CPB1: variants seen among roughly 807,000 people sequenced by gnomAD.
CPB1 encodes the protein carboxypeptidase B.
In CPB1, 53 loss-of-function variants were observed where a neutral mutation model predicts 51.4. The ratio of observed to expected loss-of-function variants is 1.03; its 90% CI spans 0.83 to 1.30. The LOEUF is 1.30. CPB1 is among the 50% of genes most tolerant of loss of function. CPB1 has a pLI of 0.00. For synonymous variants in CPB1, 189 were observed against 186.9 expected, an observed-to-expected ratio of 1.01 and a Z score of -0.09; for missense variants, 494 against 516.2, an observed-to-expected ratio of 0.96 and a Z score of 0.42.
intron 2 of CPB1, among the ~76,000 whole-genome samples, chr3:148,828,535 C>T (rs1712639466): frequency 6.6e-6 from 1 of 152,120 alleles, no homozygotes; most frequent in Non-Finnish European, 1.5e-5. Context: ...ATTCAGGTCC[C>T]CTTAATGATA....
chr3:148,842,155 A>C (rs1257695589), intron 6 of CPB1, among the ~76,000 whole-genome samples: 1 of 152,084 alleles, frequency 6.6e-6, no homozygotes, highest in African/African-American at 2.4e-5. Context: ...GGAGGCCAAA[A>C]CAGGTGAATT....
In CPB1 at chr3:148,853,146, GA is replaced by G. The variant is rs149433821; in HGVS notation, c.982-4309del. Among the ~76,000 whole-genome samples, 895 of 152,264 alleles carry G rather than the reference GA, an allele frequency of 5.9e-3. 7 individuals carry two copies. The highest frequency in any genetic ancestry group is 0.02 in the African/African-American group (849 of 41,540). On this transcript the variant is annotated intron_variant, in intron 9 of 10. Coordinates refer to ENST00000282957, the MANE Select transcript of CPB1 (RefSeq NM_001871.3). Reference sequence around the variant, plus strand: ...TCACCCATAGGGATGGCTAAACTCAGAACTTTCAGTTAGAAACAAAGTTCTA... The same window carrying G: ...TCACCCATAGGGATGGCTAAACTCAGACTTTCAGTTAGAAACAAAGTTCTA...
intron 8 of CPB1, among the ~76,000 whole-genome samples, chr3:148,845,037 AG>A (rs1713192854): frequency 6.6e-6 from 1 of 152,170 alleles, no homozygotes; most frequent in Non-Finnish European, 1.5e-5. Flanking sequence ...TATAGTCTAG[AG>A]GGGGAGACAG....
At chr3:148,838,512 C>T (rs548338997) in intron 3 of CPB1, 16 of 151,972 alleles carry the variant, frequency 1.1e-4, no homozygotes, top group African/African-American at 3.6e-4. Context: ...TTTTGTCTTA[C>T]TTGGCTTGCT....
At chr3:148,833,555 C>T (rs1559956355) in intron 2 of CPB1, among the ~76,000 whole-genome samples, 1 of 152,136 alleles carries the variant, frequency 6.6e-6, no homozygotes, top group African/African-American at 2.4e-5. Flanking sequence ...AGTGCGCAAA[C>T]ATCCGAACAG....
At chr3:148,831,538 G>A (rs977972784) in intron 2 of CPB1, among the ~76,000 whole-genome samples, 1 of 152,080 alleles carries the variant, frequency 6.6e-6, no homozygotes, top group South Asian at 2.1e-4. Flanking sequence ...CTTATTCCTG[G>A]AAAAATTTCA....
At chr3:148,836,511 C>T (rs1437028912) in intron 3 of CPB1, among the ~76,000 whole-genome samples, 1 of 152,162 alleles carries the variant, frequency 6.6e-6, no homozygotes, top group Non-Finnish European at 1.5e-5. Context: ...CTACCCTTAT[C>T]ACAAAACAGT....
At chr3:148,848,394 A>T (rs1713316971) in intron 9 of CPB1, among the ~76,000 whole-genome samples, 1 of 152,150 alleles carries the variant, frequency 6.6e-6, no homozygotes, top group South Asian at 2.1e-4. Context: ...AACATTAGGA[A>T]CATGATTTCT....
intron 8 of CPB1, among the ~76,000 whole-genome samples, chr3:148,845,189 G>A (rs1713197307): frequency 6.6e-6 from 1 of 152,082 alleles, no homozygotes; most frequent in Non-Finnish European, 1.5e-5. Flanking sequence ...ATACTACACG[G>A]AGACACATTG....
At chr3:148,830,060 G>A (rs76192458) in intron 2 of CPB1, among the ~76,000 whole-genome samples, 3,203 of 152,176 alleles carry the variant, frequency 0.021, 44 homozygotes, top group Non-Finnish European at 0.031. Flanking sequence ...ACTTATTCTT[G>A]CTTTAAACCA....
At position 148,846,797 on chromosome 3, in the gene CPB1, G is replaced by GTGTATATATATATA. The variant is rs1364486523; in HGVS notation, c.981+1172_981+1173insGTATATATATATAT. Among the ~76,000 whole-genome samples the GTGTATATATATATA allele has an allele frequency of 1.3e-3, 66 of 50,502 alleles. 3 individuals carry two copies. Among genetic ancestry groups the GTGTATATATATATA allele is most frequent in the Non-Finnish European group, 2.3e-3 (53 of 23,392 alleles). The allele number at this position is 50,502 out of a possible 152,430, so 33.1% of individuals were successfully genotyped here. A position where few individuals can be genotyped will look rare whatever the true frequency, so the allele number is the denominator to read the frequency against. On this transcript the variant is annotated intron_variant, in intron 9 of 10. Coordinates refer to ENST00000282957, the MANE Select transcript of CPB1 (RefSeq NM_001871.3). ...CACATATATATGTGTGTGTGCGTGT[G>GTGTATATATATATA]TATATATATATATATATATATATAT...
chr3:148,833,326 T>C (rs559657417), intron 2 of CPB1, among the ~76,000 whole-genome samples: 1 of 152,260 alleles, frequency 6.6e-6, no homozygotes, highest in East Asian at 1.9e-4. Context: ...TGGGCCTGAT[T>C]CGTGACTCAC....
At chr3:148,848,398 G>A (rs1713317310) in intron 9 of CPB1, among the ~76,000 whole-genome samples, 1 of 152,032 alleles carries the variant, frequency 6.6e-6, no homozygotes, top group Non-Finnish European at 1.5e-5. Flanking sequence ...TTAGGAACAT[G>A]ATTTCTTGCA....
At chr3:148,843,854 C>T (rs1012269089) in intron 6 of CPB1, among the ~76,000 whole-genome samples, 1 of 152,070 alleles carries the variant, frequency 6.6e-6, no homozygotes, top group Non-Finnish European at 1.5e-5. Flanking sequence ...ACAGGATTGT[C>T]CCTTCTTGAG....
intron 2 of CPB1, among the ~76,000 whole-genome samples, chr3:148,829,553 GA>G (rs1712670215): frequency 1.3e-5 from 2 of 152,114 alleles, no homozygotes. Flanking sequence ...CTAAATGTAG[GA>G]TTTTAGATTT....
At chr3:148,846,497 T>C (rs1713243641) in intron 9 of CPB1, among the ~76,000 whole-genome samples, 1 of 151,724 alleles carries the variant, frequency 6.6e-6, no homozygotes, top group South Asian at 2.1e-4. Flanking sequence ...TTGGCTTACC[T>C]AAATGCATAA....
In CPB1 at chr3:148,846,571, C is replaced by T. The variant is rs533465250; in HGVS notation, c.981+945C>T. Among the ~76,000 whole-genome samples, 20 of 150,958 alleles carry T rather than the reference C, an allele frequency of 1.3e-4. No homozygotes were observed. The South Asian group carries it at 4.0e-3, about 30-fold the overall frequency. On this transcript the variant is annotated intron_variant, in intron 9 of 10. Transcript: ENST00000282957. ...TTTTATACTTTCAGATTCAGTCTTT[C>T]GGAGACCAAATAAAATATGTAATGC... is the stretch of plus-strand genomic sequence containing the variant.
Position 148,859,972 on chromosome 3 carries a change from T to C in CPB1, c.1224T>C (p.Val408=). Residue 408 remains valine, a synonymous_variant, in exon 11 of 11, where the codon GTT becomes GTC. Coordinates refer to ENST00000282957, the MANE Select transcript of CPB1 (RefSeq NM_001871.3). The part of the protein sequence containing the change: ...CEETFLAIKY[V]ASYVLEHLY Reference sequence around the variant, plus strand: ...AGACCTTCCTGGCAATCAAGTATGTTGCCAGCTACGTCCTGGAACACCTGT... The same window carrying C: ...AGACCTTCCTGGCAATCAAGTATGTCGCCAGCTACGTCCTGGAACACCTGT... The C allele has an allele frequency of 6.2e-7, 1 of 1,614,126 alleles. No homozygotes were observed. Among genetic ancestry groups the C allele is most frequent in the South Asian group, 1.1e-5 (1 of 91,074 alleles).
At chr3:148,846,781 A>ATGTGTGTGTGTGTGTGTG (rs1223556507) in intron 9 of CPB1, among the ~76,000 whole-genome samples, 1 of 58,356 alleles carries the variant, frequency 1.7e-5, no homozygotes, top group South Asian at 5.9e-4. Context: ...ACACATATAT[A>ATGTGTGTGTGTGTGTGTG]TGTGTGTGTG....
Sources: allele counts gnomAD v4.1 joint callset (sites outside exome capture counted in the v4.1 genomes callset), GRCh38; gene constraint gnomAD v4.1.1; transcripts MANE v1.5; gene names NCBI Gene and HGNC (gene_info 2026-07-23, HGNC 2026-07-21).